ALPK2: variants seen among roughly 807,000 people sequenced by gnomAD.
The protein encoded by ALPK2 is alpha kinase 2.
Under a neutral mutation model 163.1 loss-of-function variants are expected in ALPK2, and 127 were observed. That is an observed-to-expected ratio of 0.78 (90% confidence interval 0.67 to 0.90). The LOEUF (loss-of-function observed/expected upper bound fraction) is 0.90. ALPK2 is among the 40% of genes least tolerant of loss of function. The probability of loss-of-function intolerance (pLI) is 0.00; values close to 1 mark genes in which losing one functional copy is unlikely to be tolerated. For synonymous variants in ALPK2, 953 were observed against 959.1 expected, an observed-to-expected ratio of 0.99 and a Z score of 0.12; for missense variants, 2,360 against 2,589.6, an observed-to-expected ratio of 0.91 and a Z score of 1.92.
intron 3 of ALPK2, among the ~76,000 whole-genome samples, chr18:58,592,851 A>G (rs551263173): frequency 6.6e-6 from 1 of 152,348 alleles, no homozygotes; most frequent in Non-Finnish European, 1.5e-5. Context: ...GCTCTGGACA[A>G]TAGCTGAACC....
At chr18:58,503,437 A>T (rs1385945566) in intron 11 of ALPK2, among the ~76,000 whole-genome samples, 2 of 152,200 alleles carry the variant, frequency 1.3e-5, no homozygotes, top group African/African-American at 4.8e-5. Context: ...GACGCCTGTA[A>T]TCCCAACACT....
intron 12 of ALPK2, among the ~76,000 whole-genome samples, chr18:58,485,367 G>A (rs935540799): frequency 6.6e-5 from 10 of 152,262 alleles, no homozygotes; most frequent in Middle Eastern, 3.4e-3. Context: ...TCCAAGCTGG[G>A]TTTTTTAAGC....
intron 9 of ALPK2, among the ~76,000 whole-genome samples, chr18:58,515,294 A>T (rs1282638129): frequency 6.6e-6 from 1 of 152,182 alleles, no homozygotes; most frequent in East Asian, 1.9e-4. Context: ...GTCCGGGTGG[A>T]GATCAAGTGG....
At chr18:58,562,254 A>G (rs535683397) in intron 4 of ALPK2, among the ~76,000 whole-genome samples, 18 of 152,378 alleles carry the variant, frequency 1.2e-4, no homozygotes, top group Admixed American at 3.3e-4. Flanking sequence ...TTTGTGGATG[A>G]TGGCAACACT....
At chr18:58,521,627 C>CTTT (rs398033036) in intron 8 of ALPK2, among the ~76,000 whole-genome samples, 2,142 of 55,346 alleles carry the variant, frequency 0.039, 340 homozygotes, top group South Asian at 0.13. Context: ...TTCTCTCTCT[C>CTTT]TTTTTTTTTT....
Position 58,611,092 on chromosome 18 carries a change from C to CAA in ALPK2, c.109+595_109+596dup, listed in dbSNP as rs531501598. 1.9e-3 allele frequency among the ~76,000 whole-genome samples: 227 copies of CAA among 121,492 alleles called. 5 individuals carry two copies. The East Asian group carries it at 0.032, about 17-fold the overall frequency. 79.7% of individuals were successfully genotyped at this position (121,492 alleles called of 152,430 possible). ...CTGGCAACAGAGCAAGACTCTGTCTCAAAAAAAAAAAAACAATAAAAATAA... is the reference window on the plus strand; with the variant it reads ...CTGGCAACAGAGCAAGACTCTGTCTCAAAAAAAAAAAAAAACAATAAAAATAA... On this transcript the variant is annotated intron_variant, in intron 2 of 12. Transcript: ENST00000361673.
At position 58,600,027 on chromosome 18, in the gene ALPK2, C is replaced by CTTTTTT. The variant is rs1166291584; in HGVS notation, c.227+7289_227+7294dup. ...GTGTTTCTTCCAGCAATGGGGATAT[C>CTTTTTT]TTTTTTTTTTTTTTTTTTTTTTTTT... On this transcript the variant is annotated intron_variant, in intron 3 of 12. Transcript: ENST00000361673. 3.2e-3 allele frequency among the ~76,000 whole-genome samples: 211 copies of CTTTTTT among 66,860 alleles called. 23 individuals are homozygous for CTTTTTT. The highest frequency in any genetic ancestry group is 6.0e-3 in the East Asian group (11 of 1,848). 43.9% of individuals were successfully genotyped at this position (66,860 alleles called of 152,430 possible). A position where few individuals can be genotyped will look rare whatever the true frequency, so the allele number is the denominator to read the frequency against.
chr18:58,580,207 G>A lies in ALPK2; in HGVS notation c.569C>T (p.Pro190Leu). The change falls in exon 4 of 13, where the codon CCT becomes CTT. Residue 190 changes from proline (P) to leucine (L), a missense_variant. Physicochemically the swap from Pro to Leu is moderately conservative, Grantham distance 98. Coordinates refer to ENST00000361673, the MANE Select transcript of ALPK2 (RefSeq NM_052947.4). Reference protein sequence around the residue: ...LDISVSSSENPLGVKGTRHTG... With the variant: ...LDISVSSSENLLGVKGTRHTG... ...GTGCCTTGTTCCTTTAACACCCAAA[G>A]GATTTTCAGAACTGGACACACTAAT... is the stretch of plus-strand genomic sequence containing the variant. 1.9e-6 allele frequency: 3 copies of A among 1,614,182 alleles called. No homozygotes were observed. The South Asian group carries it at 3.3e-5, about 18-fold the overall frequency.
At position 58,504,085 on chromosome 18, in the gene ALPK2, C is replaced by T; in HGVS notation, c.6093G>A (p.Glu2031=). The change falls in exon 11 of 13, where the codon GAG becomes GAA. Residue 2031 remains glutamate, a synonymous_variant. Transcript: ENST00000361673. The part of the protein sequence containing the change: ...ENNIPYATVE[E]ELIGEFVKYS... ...ACTTCACAAATTCTCCAATCAGCTC[C>T]TCCTCCACTGTAGCATACGGGATAT... 1 of 1,614,170 alleles carries T rather than the reference C, an allele frequency of 6.2e-7. No homozygotes were observed. Among genetic ancestry groups the T allele is most frequent in the Non-Finnish European group, 8.5e-7 (1 of 1,180,014 alleles).
At chr18:58,512,695 TGTG>T (rs776285828) in intron 10 of ALPK2, among the ~76,000 whole-genome samples, 5 of 145,062 alleles carry the variant, frequency 3.4e-5, no homozygotes, top group Middle Eastern at 3.8e-3. Context: ...GGTATGTTCG[TGTG>T]GTGTGTATGT....
At chr18:58,499,303 G>A (rs1346465786) in intron 11 of ALPK2, among the ~76,000 whole-genome samples, 1 of 152,118 alleles carries the variant, frequency 6.6e-6, no homozygotes, top group African/African-American at 2.4e-5. Flanking sequence ...GGGTAGGGAG[G>A]GTAGCTAGGG....
In ALPK2 at chr18:58,574,550, G is replaced by A. The variant is rs117095527; in HGVS notation, c.1962+4264C>T. ...TGTCTCCTGTTAGGAACTGGGCCAC[G>A]CAGCAGGAGGTGGGTGGCAGGACAT... On this transcript the variant is annotated intron_variant, in intron 4 of 12. Transcript: ENST00000361673. Among the ~76,000 whole-genome samples the A allele has an allele frequency of 4.3e-3, 655 of 151,788 alleles. 6 individuals carry two copies. The highest frequency in any genetic ancestry group is 0.025 in the East Asian group (127 of 5,144).
rs796875976 is a variant in ALPK2, at chr18:58,510,775, G to A, written c.6029+4218C>T. Among the ~76,000 whole-genome samples the A allele has an allele frequency of 4.6e-5, 7 of 152,312 alleles. No individual in the cohort carries two copies. The South Asian group carries it at 1.4e-3, about 32-fold the overall frequency. ...TTCTGAAGTTGCTTATCAGCTTAAG[G>A]AGATTTTGGGCTGAGATGATGGGGT... is the stretch of plus-strand genomic sequence containing the variant. On this transcript the variant is annotated intron_variant, in intron 10 of 12. Transcript: ENST00000361673.
intron 1 of ALPK2, among the ~76,000 whole-genome samples, chr18:58,622,977 G>GC (rs926785708): frequency 1.3e-5 from 2 of 151,966 alleles, no homozygotes; most frequent in African/African-American, 4.8e-5. Context: ...CTCACTCCCC[G>GC]CCCCCCGACA....
At chr18:58,575,788 T>C (rs1339343902) in intron 4 of ALPK2, among the ~76,000 whole-genome samples, 2 of 152,110 alleles carry the variant, frequency 1.3e-5, no homozygotes, top group Admixed American at 6.6e-5. Flanking sequence ...ATAGAGAAAC[T>C]GGGGGCTTTC....
At chr18:58,504,218 C>T (rs2051449909) in intron 10 of ALPK2, 70 bp from the exon 11 acceptor site, 2 of 1,330,386 alleles carry the variant, frequency 1.5e-6, no homozygotes. Flanking sequence ...CGGCATTCTA[C>T]TCTCTCCTGG....
chr18:58,563,696 G>C (rs56346383), intron 4 of ALPK2, among the ~76,000 whole-genome samples: 5 of 152,102 alleles, frequency 3.3e-5, no homozygotes, highest in African/African-American at 1.2e-4. Context: ...TATTTTCAAG[G>C]CATGATTTTT....
rs1229435063 is a variant in ALPK2 at position 58,535,099 on chromosome 18, G to T, written c.5088C>A (p.Gly1696=). The part of the protein sequence containing the change: ...EREKSLEARA[G]KSPGTLTAVT... ...CTGCTGTGAGGGTCCCTGGCGATTTGCCTGCTCGGGCTTCCAGGGACTTCT... is the reference window on the plus strand; with the variant it reads ...CTGCTGTGAGGGTCCCTGGCGATTTTCCTGCTCGGGCTTCCAGGGACTTCT... The change falls in exon 5 of 13, where the codon GGC becomes GGA. Residue 1696 remains glycine, a synonymous_variant. Coordinates refer to ENST00000361673, the MANE Select transcript of ALPK2 (RefSeq NM_052947.4). 6.2e-7 allele frequency: 1 copy of T among 1,614,052 alleles called. No individual in the cohort carries two copies.
In ALPK2 at chr18:58,537,734, G is replaced by A; in HGVS notation, c.2453C>T (p.Thr818Ile). The A allele has an allele frequency of 1.2e-6, 2 of 1,614,106 alleles. No individual in the cohort carries two copies. Among genetic ancestry groups the A allele is most frequent in the Middle Eastern group, 1.6e-4 (1 of 6,062 alleles). Residue 818 changes from threonine to isoleucine, a missense_variant, in exon 5 of 13, where the codon ACC (threonine) becomes ATC (isoleucine). Coordinates refer to ENST00000361673, the MANE Select transcript of ALPK2 (RefSeq NM_052947.4). ...EAGDQGTCFD[T>I]IDSLVGRPVD... is the part of the protein sequence containing the mutation. ...TGGTCTCCCAACAAGAGAATCTATG[G>A]TATCAAAACACGTTCCTTGGTCACC... is the stretch of plus-strand genomic sequence containing the variant.
Sources: allele counts gnomAD v4.1 joint callset (sites outside exome capture counted in the v4.1 genomes callset), GRCh38; gene constraint gnomAD v4.1.1; transcripts MANE v1.5; gene names NCBI Gene and HGNC (gene_info 2026-07-23, HGNC 2026-07-21).